The following SLC9C1 variants were observed in gnomAD, a reference collection of about 807,000 sequenced individuals.
SLC9C1 encodes the protein solute carrier family 9 member C1.
In SLC9C1, 97 loss-of-function variants were observed where a neutral mutation model predicts 140.9. The ratio of observed to expected loss-of-function variants is 0.69; its 90% confidence interval spans 0.58 to 0.82. SLC9C1 has a LOEUF of 0.82. SLC9C1 is among the 40% of genes least tolerant of loss of function. The pLI, the probability that SLC9C1 is intolerant of heterozygous loss-of-function variation, is 0.00. For synonymous variants in SLC9C1, 440 were observed against 442.6 expected (o/e 0.99, Z 0.07); for missense variants, 1,340 against 1,389.3 (o/e 0.96, Z 0.56).
rs767010604 is a variant in SLC9C1, at chr3:112,141,239, G to A, written c.*33C>T. The A allele has an allele frequency of 1.9e-6, 3 of 1,570,612 alleles. No homozygotes were observed. Among genetic ancestry groups the A allele is most frequent in the African/African-American group, 2.8e-5 (2 of 71,910 alleles). On this transcript the variant is annotated 3_prime_UTR_variant, in exon 29 of 29. Transcript: ENST00000305815. ...CAGCAGGAGGCCTCTCATAGCCACA[G>A]CATTAATACATGCTTCGGTCTTCTT...
intron 26 of SLC9C1, among the ~76,000 whole-genome samples, chr3:112,155,281 A>G (rs2075098067): frequency 6.6e-6 from 1 of 152,206 alleles, no homozygotes. Flanking sequence ...AAGTAGAGCT[A>G]CAAAATCATC....
At chr3:112,236,509 AGCTTTTGAATGTGTTT>A (rs1408429558) in intron 12 of SLC9C1, among the ~76,000 whole-genome samples, 3 of 152,098 alleles carry the variant, frequency 2.0e-5, no homozygotes, top group Admixed American at 1.3e-4. Context: ...GCCTTCTGCT[AGCTTTTGAATGTGTTT>A]GCTTTTGCTT....
intron 7 of SLC9C1, among the ~76,000 whole-genome samples, chr3:112,267,071 G>T (rs146756026): frequency 1.3e-5 from 2 of 152,112 alleles, no homozygotes; most frequent in East Asian, 3.9e-4. Flanking sequence ...TGAGACCGGG[G>T]GTTCAGGGCT....
At chr3:112,220,318 C>T (rs546460696) in intron 14 of SLC9C1, among the ~76,000 whole-genome samples, 2 of 152,240 alleles carry the variant, frequency 1.3e-5, no homozygotes, top group South Asian at 2.1e-4. Context: ...TAACTTTATC[C>T]TTCAGTGTAC....
At chr3:112,209,021 T>A (rs1432680896) in intron 15 of SLC9C1, among the ~76,000 whole-genome samples, 4 of 152,170 alleles carry the variant, frequency 2.6e-5, no homozygotes, top group Admixed American at 2.6e-4. Flanking sequence ...AGTAGAAATG[T>A]AGATAAAAAG....
intron 2 of SLC9C1, among the ~76,000 whole-genome samples, chr3:112,285,383 TGTGCAC>T (rs2080479151): frequency 1.3e-5 from 2 of 151,980 alleles, no homozygotes; most frequent in African/African-American, 4.8e-5. Context: ...GGACCATAGG[TGTGCAC>T]CACCACTCCA....
chr3:112,177,008 T>C lies in SLC9C1; in HGVS notation c.2919+2523A>G, dbSNP rs1026329585. Among the ~76,000 whole-genome samples the C allele has an allele frequency of 3.0e-4, 45 of 147,940 alleles. No homozygotes were observed. In the East Asian group the frequency reaches 7.9e-3, roughly 26 times the overall value. On this transcript the variant is annotated intron_variant, in intron 23 of 28. Transcript: ENST00000305815. ...TGGTGTCTCTCTCTCTCTCTCTCTTTTTTTTTTTTTTTTTTGGTGATAGAG... is the reference window on the plus strand; with the variant it reads ...TGGTGTCTCTCTCTCTCTCTCTCTTCTTTTTTTTTTTTTTTGGTGATAGAG...
chr3:112,179,811 T>C, intron 22 of SLC9C1, 110 bp from the exon 23 acceptor site: 2 of 772,664 alleles, frequency 2.6e-6, no homozygotes, highest in East Asian at 3.1e-5. Context: ...TATTTACATA[T>C]TGTCTTGAGA....
chr3:112,163,628 T>C (rs1037393885), intron 26 of SLC9C1, among the ~76,000 whole-genome samples: 1 of 151,936 alleles, frequency 6.6e-6, no homozygotes, highest in Non-Finnish European at 1.5e-5. Context: ...TGCACTGTGG[T>C]CTGAGAGACA....
intron 20 of SLC9C1, among the ~76,000 whole-genome samples, chr3:112,193,995 G>A (rs1330657226): frequency 6.6e-6 from 1 of 152,072 alleles, no homozygotes; most frequent in Non-Finnish European, 1.5e-5. Context: ...AGGGCTGGAG[G>A]GGTGCAATAG....
rs1292065733 is a variant in SLC9C1, at chr3:112,211,481, A to G, written c.1791-3108T>C. 3.3e-5 allele frequency among the ~76,000 whole-genome samples: 5 copies of G among 152,234 alleles called. No individual in the cohort carries two copies. In the East Asian group the frequency reaches 9.6e-4, roughly 29 times the overall value. ...GCCAAGTGAAGCTGTGACAGATGAA[A>G]TCTGGAAAATCGGGTCACTCCCACC... On this transcript the variant is annotated intron_variant, in intron 15 of 28. Coordinates refer to ENST00000305815, the MANE Select transcript of SLC9C1 (RefSeq NM_183061.3).
chr3:112,239,748 T>A, intron 12 of SLC9C1, 92 bp downstream of exon 12: 1 of 1,228,632 alleles, frequency 8.1e-7, no homozygotes, highest in East Asian at 2.6e-5. Context: ...ATTACAAATA[T>A]TAAAACTTGT....
At chr3:112,170,923 G>A (rs551016637) in intron 23 of SLC9C1, among the ~76,000 whole-genome samples, 3 of 152,304 alleles carry the variant, frequency 2.0e-5, no homozygotes, top group African/African-American at 7.2e-5. Flanking sequence ...AGCCATGTAT[G>A]AAAATTTCAG....
intron 15 of SLC9C1, among the ~76,000 whole-genome samples, chr3:112,212,560 C>T (rs2078239093): frequency 6.6e-6 from 1 of 152,120 alleles, no homozygotes; most frequent in African/African-American, 2.4e-5. Context: ...ATGATGAATG[C>T]ACAAGCTTCA....
rs71933510 is a variant in SLC9C1, at chr3:112,267,575, CAAAAA to C, written c.776-1240_776-1236del. Among the ~76,000 whole-genome samples the C allele has an allele frequency of 4.6e-4, 26 of 56,844 alleles. No individual in the cohort carries two copies. In the East Asian group the frequency reaches 8.7e-3, roughly 19 times the overall value. The allele number at this position is 56,844 out of a possible 152,430, so 37.3% of individuals were successfully genotyped here. ...TGGGTGACAGAGCAAGACTCCGTCTCAAAAAAAAAAAAAAAAAAAAAAGAGAGAGA... is the reference window on the plus strand; with the variant it reads ...TGGGTGACAGAGCAAGACTCCGTCTCAAAAAAAAAAAAAAAAAGAGAGAGA... On this transcript the variant is annotated intron_variant, in intron 7 of 28. Transcript: ENST00000305815.
intron 16 of SLC9C1, among the ~76,000 whole-genome samples, chr3:112,206,769 C>T (rs180910499): frequency 4.0e-5 from 6 of 151,382 alleles, no homozygotes; most frequent in African/African-American, 1.5e-4. Flanking sequence ...CACATATTCT[C>T]ACTCGTAGGT....
At chr3:112,262,127 AAATTTCAGAACCTAGATCT>A (rs1352285488) in intron 10 of SLC9C1, among the ~76,000 whole-genome samples, 13 of 152,014 alleles carry the variant, frequency 8.6e-5, no homozygotes, top group African/African-American at 3.1e-4. Flanking sequence ...TCTAAGCTGA[AAATTTCAGAACCTAGATCT>A]GTGCACAAGG....
At chr3:112,219,549 G>A (rs2078481333) in intron 14 of SLC9C1, among the ~76,000 whole-genome samples, 1 of 152,086 alleles carries the variant, frequency 6.6e-6, no homozygotes, top group South Asian at 2.1e-4. Flanking sequence ...AAAAATCAAG[G>A]CAGTGGGCTG....
chr3:112,258,942 C>T lies in SLC9C1; in HGVS notation c.1197+3982G>A, dbSNP rs1022514965. Among the ~76,000 whole-genome samples the T allele has an allele frequency of 2.0e-5, 3 of 152,042 alleles. No individual in the cohort carries two copies. In the East Asian group the frequency reaches 5.8e-4, roughly 29 times the overall value. On this transcript the variant is annotated intron_variant, in intron 10 of 28. Transcript: ENST00000305815. ...AGGGAGTCAAAGGGGAAGTGCTACACATTTTTAAACAACCAGATCTCATGA... is the reference window on the plus strand; with the variant it reads ...AGGGAGTCAAAGGGGAAGTGCTACATATTTTTAAACAACCAGATCTCATGA...
Sources: allele counts gnomAD v4.1 joint callset (sites outside exome capture counted in the v4.1 genomes callset), GRCh38; gene constraint gnomAD v4.1.1; transcripts MANE v1.5; gene names NCBI Gene and HGNC (gene_info 2026-07-23, HGNC 2026-07-21).